Variants in DCUN1D4 observed in about 807,000 individuals in gnomAD.
DCUN1D4 encodes the protein DCN1-like protein 4.
In DCUN1D4, 22 loss-of-function variants were observed where a neutral mutation model predicts 47.9. The ratio of observed to expected loss-of-function variants is 0.46; its 90% CI spans 0.33 to 0.66. The LOEUF (loss-of-function observed/expected upper bound fraction) is 0.66, where lower values mean the gene tolerates loss of function less well. DCUN1D4 is among the 30% of genes least tolerant of loss of function. DCUN1D4 has a pLI of 0.02. For synonymous variants in DCUN1D4, 121 were observed against 112.2 expected (o/e 1.08, Z -0.50); for missense variants, 301 against 340.8 (o/e 0.88, Z 0.92).
At chr4:51,888,334 C>CT (rs1271033469) in intron 6 of DCUN1D4, among the ~76,000 whole-genome samples, 2 of 152,178 alleles carry the variant, frequency 1.3e-5, no homozygotes, top group East Asian at 3.9e-4. Context: ...GACGTTGACT[C>CT]TAACTGAAGA....
chr4:51,884,733 C>G (rs1729198634), intron 5 of DCUN1D4, among the ~76,000 whole-genome samples: 1 of 152,142 alleles, frequency 6.6e-6, no homozygotes, highest in Non-Finnish European at 1.5e-5. Context: ...AGAACCATTC[C>G]TAGCATTGCG....
upstream of DCUN1D4, among the ~76,000 whole-genome samples, chr4:51,841,562 AC>A (rs1418519545): frequency 6.6e-6 from 1 of 152,186 alleles, no homozygotes; most frequent in African/African-American, 2.4e-5. Context: ...ATAATAAATA[AC>A]TTCAGGTACA....
chr4:51,843,553 G>A (rs1010597569), intron 1 of DCUN1D4: 37 of 1,269,044 alleles, frequency 2.9e-5, no homozygotes, highest in Non-Finnish European at 3.6e-5. Flanking sequence ...CTGGACGTGC[G>A]ATGAAGGGCC....
chr4:51,865,701 T>C (rs1725807228), intron 3 of DCUN1D4, among the ~76,000 whole-genome samples: 1 of 152,154 alleles, frequency 6.6e-6, no homozygotes, highest in African/African-American at 2.4e-5. Flanking sequence ...ATGGTGCATT[T>C]TGGGGGCTGT....
chr4:51,908,728 G>A (rs555735327), intron 8 of DCUN1D4, among the ~76,000 whole-genome samples: 138 of 152,102 alleles, frequency 9.1e-4, no homozygotes, highest in Non-Finnish European at 8.5e-4. Flanking sequence ...CCCTGCGAGT[G>A]TCTCCAATTT....
chr4:51,886,434 C>T lies in DCUN1D4; in HGVS notation c.344-134C>T, dbSNP rs534499077. The T allele has an allele frequency of 1.0e-4, 66 of 650,808 alleles. No homozygotes were observed. The African/African-American group carries it at 1.1e-3, about 11-fold the overall frequency. The allele number at this position is 650,808 out of a possible 1,614,324, so 40.3% of individuals were successfully genotyped here. A position where few individuals can be genotyped will look rare whatever the true frequency, so the allele number is the denominator to read the frequency against. ...ACTGAAATTCGAGAATACTTTTCAA[C>T]TTAGACTTGATTTTTTTTTCCAAAA... On this transcript the variant is annotated intron_variant, in intron 5 of 10. Coordinates refer to ENST00000334635, the MANE Select transcript of DCUN1D4 (RefSeq NM_001040402.3).
At chr4:51,840,939 C>T (rs1721616301), upstream of DCUN1D4, among the ~76,000 whole-genome samples, 1 of 152,152 alleles carries the variant, frequency 6.6e-6, no homozygotes, top group Admixed American at 6.5e-5. Context: ...TGAAAATAAT[C>T]ATACTGACTC....
chr4:51,842,350 A>G (rs2040363843), upstream of DCUN1D4, among the ~76,000 whole-genome samples: 1 of 152,182 alleles, frequency 6.6e-6, no homozygotes, highest in African/African-American at 2.4e-5. Context: ...GATGTGTGTG[A>G]CGGACAATGC....
At chr4:51,883,550 A>G (rs780019940) in intron 5 of DCUN1D4, among the ~76,000 whole-genome samples, 3 of 152,142 alleles carry the variant, frequency 2.0e-5, no homozygotes, top group Admixed American at 6.5e-5. Context: ...CACTCTCACT[A>G]CTCTTACTTG....
At chr4:51,910,950 T>C in intron 8 of DCUN1D4, 120 bp from the exon 9 acceptor site, 1 of 968,590 alleles carries the variant, frequency 1.0e-6, no homozygotes, top group South Asian at 1.4e-5. Context: ...GCAGGGTCTT[T>C]AAGGTGTATG....
intron 1 of DCUN1D4, among the ~76,000 whole-genome samples, chr4:51,860,165 C>T (rs910694970): frequency 6.6e-6 from 1 of 151,712 alleles, no homozygotes; most frequent in South Asian, 2.1e-4. Flanking sequence ...GTTGATGAGA[C>T]GAAAGAAAAA....
the DCUN1D4 span, among the ~76,000 whole-genome samples, chr4:51,834,096 C>CTT: frequency 2.3e-5 from 1 of 43,582 alleles, no homozygotes. Flanking sequence ...CTTTTCTTTT[C>CTT]TTCTTTCTTT....
At chr4:51,895,318 C>T (rs1164380694) in intron 7 of DCUN1D4, among the ~76,000 whole-genome samples, 2 of 151,804 alleles carry the variant, frequency 1.3e-5, no homozygotes, top group Non-Finnish European at 2.9e-5. Flanking sequence ...TGGTAGCATC[C>T]TTAAACTAGG....
chr4:51,875,557 G>A (rs1298677829), intron 4 of DCUN1D4, among the ~76,000 whole-genome samples: 1 of 152,144 alleles, frequency 6.6e-6, no homozygotes, highest in Non-Finnish European at 1.5e-5. Context: ...ACAGTTTAGT[G>A]ATTTTTATTA....
intron 8 of DCUN1D4, among the ~76,000 whole-genome samples, chr4:51,906,866 G>A (rs1001940366): frequency 2.0e-5 from 3 of 152,166 alleles, no homozygotes; most frequent in African/African-American, 7.2e-5. Flanking sequence ...AAGAGCTCCA[G>A]CTTAGAATCA....
chr4:51,844,238 G>T, intron 1 of DCUN1D4: 1 of 779,424 alleles, frequency 1.3e-6, no homozygotes, highest in Non-Finnish European at 1.6e-6. Context: ...ACTGTGCTTA[G>T]GGGAGGTACT....
At chr4:51,877,969 G>A in intron 5 of DCUN1D4, 115 bp downstream of exon 5, 1 of 611,112 alleles carries the variant, frequency 1.6e-6, no homozygotes, top group Admixed American at 2.9e-5. Context: ...GTGTGTGTGT[G>A]TGTCCCTGTT....
chr4:51,914,618 C>T lies in DCUN1D4; in HGVS notation c.*1034C>T, dbSNP rs1432506814. On this transcript the variant is annotated 3_prime_UTR_variant, in exon 11 of 11. Transcript: ENST00000334635. ...GTTTTCCTTGTTTGTTTGTTTCATG[C>T]TAGGCTTTTCCTGGCAGCATGTCCA... 2.0e-5 allele frequency: 3 copies of T among 152,474 alleles called. No individual in the cohort carries two copies. The highest frequency in any genetic ancestry group is 6.6e-5 in the Admixed American group (1 of 15,232). 9.4% of individuals were successfully genotyped at this position (152,474 alleles called of 1,614,324 possible). A position where few individuals can be genotyped will look rare whatever the true frequency, so the allele number is the denominator to read the frequency against.
At chr4:51,850,476 A>T (rs1723205672) in intron 1 of DCUN1D4, among the ~76,000 whole-genome samples, 1 of 152,150 alleles carries the variant, frequency 6.6e-6, no homozygotes, top group South Asian at 2.1e-4. Context: ...TTGCTCTGTC[A>T]TCTCCTAGCC....
Sources: allele counts gnomAD v4.1 joint callset (sites outside exome capture counted in the v4.1 genomes callset), GRCh38; gene constraint gnomAD v4.1.1; transcripts MANE v1.5; gene names NCBI Gene and HGNC (gene_info 2026-07-23, HGNC 2026-07-21).